THSD4: variants seen among roughly 807,000 people sequenced by gnomAD.
THSD4 encodes the protein thrombospondin type 1 domain containing 4, also known as thrombospondin type-1 domain-containing protein 4.
THSD4 carries 69 observed loss-of-function variants against 119.0 expected under a neutral mutation model. That is an observed-to-expected ratio of 0.58 (90% CI 0.48 to 0.71). THSD4 has a LOEUF of 0.71. THSD4 is among the 30% of genes least tolerant of loss of function. The pLI is 0.00. For missense variants in THSD4, 1,393 were observed against 1,391.1 expected, an observed-to-expected ratio of 1.00 and a Z score of -0.02; for synonymous variants, 524 against 540.4, an observed-to-expected ratio of 0.97 and a Z score of 0.42.
intron 6 of THSD4, among the ~76,000 whole-genome samples, chr15:71,278,238 C>T (rs1257883931): frequency 6.6e-6 from 1 of 152,152 alleles, no homozygotes; most frequent in East Asian, 1.9e-4. Flanking sequence ...CTCTGTCACC[C>T]AGGCTGGAGT....
chr15:71,457,166 G>A (rs1225589740), intron 7 of THSD4, among the ~76,000 whole-genome samples: 1 of 152,044 alleles, frequency 6.6e-6, no homozygotes, highest in East Asian at 1.9e-4. Flanking sequence ...AGATCGCTCT[G>A]AGCTCAGGAG....
intron 7 of THSD4, among the ~76,000 whole-genome samples, chr15:71,514,510 T>C (rs2048327984): frequency 6.6e-6 from 1 of 152,232 alleles, no homozygotes; most frequent in African/African-American, 2.4e-5. Context: ...TTCTTGTGTG[T>C]TTGGCCTCTT....
chr15:71,402,914 T>G (rs1450609904), intron 6 of THSD4, among the ~76,000 whole-genome samples: 1 of 152,228 alleles, frequency 6.6e-6, no homozygotes, highest in Non-Finnish European at 1.5e-5. Flanking sequence ...TTTGCCTACT[T>G]TTCTATATGT....
At chr15:71,409,848 C>T (rs2046659568) in intron 6 of THSD4, among the ~76,000 whole-genome samples, 2 of 150,942 alleles carry the variant, frequency 1.3e-5, no homozygotes, top group African/African-American at 4.9e-5. Flanking sequence ...TCTAGGCTGT[C>T]TATGGCTGAG....
intron 7 of THSD4, among the ~76,000 whole-genome samples, chr15:71,598,633 T>A (rs2140887829): frequency 6.6e-6 from 1 of 152,274 alleles, no homozygotes; most frequent in East Asian, 1.9e-4. Flanking sequence ...TGTTTTGTTT[T>A]TTTGTTTTGA....
intron 8 of THSD4, among the ~76,000 whole-genome samples, chr15:71,709,328 A>T (rs1321875098): frequency 1.3e-5 from 2 of 152,098 alleles, no homozygotes; most frequent in African/African-American, 2.4e-5. Context: ...AAGATGGGGG[A>T]AAAAAGGGTT....
At chr15:71,388,776 A>C (rs897936861) in intron 6 of THSD4, among the ~76,000 whole-genome samples, 1 of 151,572 alleles carries the variant, frequency 6.6e-6, no homozygotes, top group African/African-American at 2.4e-5. Context: ...ATATGATAAA[A>C]TATATATATA....
At chr15:71,447,721 C>A (rs1595777742) in intron 7 of THSD4, among the ~76,000 whole-genome samples, 1 of 152,120 alleles carries the variant, frequency 6.6e-6, no homozygotes, top group East Asian at 1.9e-4. Context: ...CCACAGAAAC[C>A]CTAGAGTGGT....
At chr15:71,486,284 C>T (rs11072288) in intron 7 of THSD4, among the ~76,000 whole-genome samples, 1 of 152,106 alleles carries the variant, frequency 6.6e-6, no homozygotes, top group African/African-American at 2.4e-5. Context: ...GCTGTAGTTT[C>T]TCCCCCTTTG....
intron 6 of THSD4, among the ~76,000 whole-genome samples, chr15:71,334,615 T>C (rs1459594702): frequency 6.6e-6 from 1 of 152,218 alleles, no homozygotes; most frequent in Non-Finnish European, 1.5e-5. Flanking sequence ...AACGCTGAAA[T>C]TGGCATTGAC....
At position 71,524,833 on chromosome 15, in the gene THSD4, C is replaced by T. The variant is rs927712955; in HGVS notation, c.1152+113010C>T. On this transcript the variant is annotated intron_variant, in intron 7 of 17. Transcript: ENST00000261862. ...TTCACCGTATTAGCCAGGATGATCTCGATCTCCTGACCTTGTGATCCGCCT... is the reference window on the plus strand; with the variant it reads ...TTCACCGTATTAGCCAGGATGATCTTGATCTCCTGACCTTGTGATCCGCCT... Among the ~76,000 whole-genome samples the T allele has an allele frequency of 2.5e-4, 37 of 146,962 alleles. 1 individual carries two copies. The East Asian group carries it at 4.4e-3, about 18-fold the overall frequency.
chr15:71,556,513 G>T (rs2049019465), intron 7 of THSD4, among the ~76,000 whole-genome samples: 2 of 152,130 alleles, frequency 1.3e-5, no homozygotes, highest in South Asian at 4.1e-4. Flanking sequence ...ACTTTGGGAT[G>T]CTGAGGCAGG....
intron 7 of THSD4, among the ~76,000 whole-genome samples, chr15:71,570,841 G>A (rs147321330): frequency 1.1e-4 from 16 of 152,292 alleles, no homozygotes; most frequent in African/African-American, 2.6e-4. Flanking sequence ...ATTCATTCCA[G>A]CTGTGACAGC....
At chr15:71,347,021 G>T (rs145534091) in intron 6 of THSD4, among the ~76,000 whole-genome samples, 1 of 151,532 alleles carries the variant, frequency 6.6e-6, no homozygotes, top group East Asian at 1.9e-4. Flanking sequence ...TTACAGGCGC[G>T]TGCCACCACA....
At chr15:71,613,315 A>G (rs917222543) in intron 7 of THSD4, among the ~76,000 whole-genome samples, 1 of 152,188 alleles carries the variant, frequency 6.6e-6, no homozygotes, top group Admixed American at 6.5e-5. Flanking sequence ...AACTTGGTTA[A>G]TTTGGTATCA....
At chr15:71,111,548 G>A, upstream of THSD4, 2 of 702,726 alleles carry the variant, frequency 2.8e-6, no homozygotes. Flanking sequence ...GTTTTGTTTT[G>A]TTTACCATGC....
At chr15:71,572,668 A>G (rs918765975) in intron 7 of THSD4, among the ~76,000 whole-genome samples, 1 of 152,176 alleles carries the variant, frequency 6.6e-6, no homozygotes, top group Admixed American at 6.5e-5. Context: ...TGAGTCATCA[A>G]ATACTAAGTT....
At chr15:71,176,031 TC>T (rs1355572348) in intron 3 of THSD4, among the ~76,000 whole-genome samples, 1 of 101,650 alleles carries the variant, frequency 9.8e-6, no homozygotes, top group Admixed American at 1.1e-4. Flanking sequence ...CGCTGCAAAA[TC>T]ATGCCAAAAT....
intron 11 of THSD4, among the ~76,000 whole-genome samples, chr15:71,742,252 A>G (rs2053251033): frequency 6.6e-6 from 1 of 152,248 alleles, no homozygotes; most frequent in Non-Finnish European, 1.5e-5. Context: ...TTCCAGCATC[A>G]TGATATCACC....
Sources: allele counts gnomAD v4.1 joint callset (sites outside exome capture counted in the v4.1 genomes callset), GRCh38; gene constraint gnomAD v4.1.1; transcripts MANE v1.5; gene names NCBI Gene and HGNC (gene_info 2026-07-23, HGNC 2026-07-21).